RIMS2: variants seen among roughly 807,000 people sequenced by gnomAD.
The protein encoded by RIMS2 is regulating synaptic membrane exocytosis 2.
Under a neutral mutation model 174.4 loss-of-function variants are expected in RIMS2, and 59 were observed. The observed-to-expected ratio is 0.34, with a 90% CI of 0.27 to 0.42. RIMS2 has a LOEUF of 0.42. Ranked by LOEUF, RIMS2 falls within the 10% of genes least tolerant of loss-of-function variation. The pLI, the probability that RIMS2 is intolerant of heterozygous loss-of-function variation, is 1.00. For synonymous variants in RIMS2, 606 were observed against 572.5 expected (o/e 1.06, Z -0.84); for missense variants, 1,620 against 1,666.3 (o/e 0.97, Z 0.48).
chr8:103,735,181 G>A (rs1376652710), intron 2 of RIMS2, among the ~76,000 whole-genome samples: 1 of 152,112 alleles, frequency 6.6e-6, no homozygotes, highest in Non-Finnish European at 1.5e-5. Flanking sequence ...TCCTCAAAGA[G>A]CCTTGTTATT....
At chr8:103,848,617 A>G (rs533112746) in intron 3 of RIMS2, among the ~76,000 whole-genome samples, 25 of 152,054 alleles carry the variant, frequency 1.6e-4, no homozygotes, top group African/African-American at 6.0e-4. Context: ...CATGACCTGA[A>G]TGGTTTTCCA....
At chr8:103,874,716 TA>T (rs2099127511) in intron 3 of RIMS2, among the ~76,000 whole-genome samples, 2 of 152,122 alleles carry the variant, frequency 1.3e-5, no homozygotes, top group African/African-American at 4.8e-5. Flanking sequence ...AAGAAAATTC[TA>T]ACTGTGTTGT....
intron 1 of RIMS2, among the ~76,000 whole-genome samples, chr8:103,666,424 C>T (rs1167060676): frequency 2.6e-5 from 4 of 152,120 alleles, no homozygotes; most frequent in Admixed American, 2.0e-4. Flanking sequence ...AAACTTTATG[C>T]GTTGACATCA....
At chr8:103,860,944 A>C (rs1177200785) in intron 3 of RIMS2, among the ~76,000 whole-genome samples, 1 of 151,980 alleles carries the variant, frequency 6.6e-6, no homozygotes, top group Non-Finnish European at 1.5e-5. Flanking sequence ...GTAAGTAGAC[A>C]TAGTAGGTTA....
intron 3 of RIMS2, among the ~76,000 whole-genome samples, chr8:103,850,603 A>G (rs1341206851): frequency 6.6e-5 from 10 of 152,042 alleles, no homozygotes. Context: ...GACTGGAGCC[A>G]TCCTAATTCT....
intron 3 of RIMS2, among the ~76,000 whole-genome samples, chr8:103,847,096 G>A (rs182818191): frequency 6.0e-5 from 9 of 150,190 alleles, no homozygotes; most frequent in South Asian, 2.1e-4. Flanking sequence ...CCGGGCAGTA[G>A]CCATAGCTTT....
chr8:103,685,360 A>T (rs1593507), intron 1 of RIMS2, among the ~76,000 whole-genome samples: 59,361 of 151,704 alleles, frequency 0.39, 12,272 homozygotes, highest in East Asian at 0.77. Context: ...CAAACTTTTT[A>T]AAACAACTAG....
At chr8:103,657,493 T>A (rs1448173795) in intron 1 of RIMS2, among the ~76,000 whole-genome samples, 1 of 152,156 alleles carries the variant, frequency 6.6e-6, no homozygotes, top group South Asian at 2.1e-4. Flanking sequence ...TTTACTGCAA[T>A]GAGACAGAAA....
At chr8:103,824,111 T>C (rs1359627354) in intron 3 of RIMS2, among the ~76,000 whole-genome samples, 1 of 152,130 alleles carries the variant, frequency 6.6e-6, no homozygotes, top group Non-Finnish European at 1.5e-5. Context: ...ACCTTAGCAA[T>C]ATACTACAAT....
At chr8:104,242,020 A>G (rs2099301860) in intron 19 of RIMS2, among the ~76,000 whole-genome samples, 1 of 152,160 alleles carries the variant, frequency 6.6e-6, no homozygotes, top group Admixed American at 6.6e-5. Context: ...TTAGCCTCCC[A>G]AAGTGCTGGG....
intron 1 of RIMS2, among the ~76,000 whole-genome samples, chr8:103,680,211 T>C (rs2096862312): frequency 6.6e-6 from 1 of 152,202 alleles, no homozygotes; most frequent in South Asian, 2.1e-4. Context: ...AATGCAGAGT[T>C]CATAAACAGA....
At chr8:104,192,806 G>C (rs1281299961) in intron 19 of RIMS2, among the ~76,000 whole-genome samples, 1 of 152,174 alleles carries the variant, frequency 6.6e-6, no homozygotes, top group Admixed American at 6.5e-5. Flanking sequence ...AGCACCTACT[G>C]TGTGCAAGCA....
chr8:103,671,218 C>T (rs1408440060), intron 1 of RIMS2, among the ~76,000 whole-genome samples: 1 of 152,096 alleles, frequency 6.6e-6, no homozygotes, highest in African/African-American at 2.4e-5. Flanking sequence ...ATTCAGTTAT[C>T]TCCCACCGAG....
chr8:103,630,771 G>C (rs1213304016), intron 1 of RIMS2, among the ~76,000 whole-genome samples: 1 of 151,922 alleles, frequency 6.6e-6, no homozygotes, highest in Non-Finnish European at 1.5e-5. Flanking sequence ...ATATGCTGCA[G>C]TAACCCACAA....
chr8:103,532,399 T>C (rs919435836), intron 1 of RIMS2, among the ~76,000 whole-genome samples: 1 of 152,214 alleles, frequency 6.6e-6, no homozygotes, highest in Non-Finnish European at 1.5e-5. Flanking sequence ...AAATTAGGAA[T>C]TGACAGGAAC....
At chr8:104,176,639 TG>T (rs1164646684) in intron 19 of RIMS2, among the ~76,000 whole-genome samples, 12 of 151,410 alleles carry the variant, frequency 7.9e-5, no homozygotes, top group African/African-American at 2.4e-4. Context: ...CTAATGAAAA[TG>T]ATTCATATAA....
chr8:103,758,314 A>G (rs1012806939), intron 2 of RIMS2, among the ~76,000 whole-genome samples: 1 of 152,140 alleles, frequency 6.6e-6, no homozygotes, highest in African/African-American at 2.4e-5. Context: ...CAATCTTGGT[A>G]TTGAGTGATA....
intron 16 of RIMS2, among the ~76,000 whole-genome samples, chr8:103,984,855 C>T (rs529659527): frequency 1.3e-5 from 2 of 152,236 alleles, no homozygotes; most frequent in East Asian, 1.9e-4. Flanking sequence ...ACTATTCAGC[C>T]AGAAAGAAAT....
chr8:103,511,096 A>C (rs949668845), intron 1 of RIMS2, among the ~76,000 whole-genome samples: 1 of 152,180 alleles, frequency 6.6e-6, no homozygotes, highest in African/African-American at 2.4e-5. Flanking sequence ...AGTGCCGCCA[A>C]TCTGCATTCC....
Sources: gnomAD v4.1 joint callset for allele counts (sites outside exome capture counted in the v4.1 genomes callset) on GRCh38, gnomAD v4.1.1 for gene constraint, MANE v1.5 for transcripts, NCBI Gene and HGNC (gene_info 2026-07-23, HGNC 2026-07-21) for gene names.